TAF4B: variants seen among roughly 807,000 people sequenced by gnomAD.
TAF4B encodes the protein transcription initiation factor TFIID subunit 4B.
TAF4B carries 38 observed loss-of-function variants against 86.4 expected under a neutral mutation model. That is an observed-to-expected ratio of 0.44 (90% CI 0.34 to 0.58). TAF4B has a LOEUF of 0.58. Ranked by LOEUF, TAF4B falls within the 20% of genes least tolerant of loss-of-function variation. The pLI is 0.02. For missense variants in TAF4B, 988 were observed against 1,027.6 expected (o/e 0.96, Z 0.53); for synonymous variants, 388 against 391.2 (o/e 0.99, Z 0.10).
At chr18:26,227,972 C>T (rs2055604297) in intron 1 of TAF4B, among the ~76,000 whole-genome samples, 1 of 152,222 alleles carries the variant, frequency 6.6e-6, no homozygotes, top group Non-Finnish European at 1.5e-5. Context: ...AGCAGAACCC[C>T]TGACTGGGAA....
At chr18:26,325,144 G>A (rs542752408) in intron 11 of TAF4B, among the ~76,000 whole-genome samples, 1 of 152,316 alleles carries the variant, frequency 6.6e-6, no homozygotes, top group Admixed American at 6.5e-5. Flanking sequence ...GTGACATGTA[G>A]TACAGAGCTT....
chr18:26,229,964 A>T (rs12456224), intron 1 of TAF4B, among the ~76,000 whole-genome samples: 55,214 of 149,346 alleles, frequency 0.37, 10,887 homozygotes, highest in Non-Finnish European at 0.46. Context: ...TTAAAAAAAA[A>T]ATATATATAT....
chr18:26,341,279 G>GA (rs1188684368), intron 13 of TAF4B, among the ~76,000 whole-genome samples: 5 of 151,982 alleles, frequency 3.3e-5, no homozygotes, highest in African/African-American at 1.2e-4. Flanking sequence ...AGGCATAAAA[G>GA]AAAAAACCAG....
chr18:26,279,849 A>G (rs1372661479), intron 5 of TAF4B, among the ~76,000 whole-genome samples: 1 of 152,058 alleles, frequency 6.6e-6, no homozygotes, highest in Non-Finnish European at 1.5e-5. Context: ...TCAGACCAGT[A>G]TGGTCAACAT....
intron 1 of TAF4B, among the ~76,000 whole-genome samples, chr18:26,234,085 C>T (rs1021079932): frequency 6.6e-6 from 1 of 152,114 alleles, no homozygotes; most frequent in South Asian, 2.1e-4. Context: ...CTGTTGTTAA[C>T]CACCCCGAGG....
intron 9 of TAF4B, among the ~76,000 whole-genome samples, chr18:26,298,854 T>A (rs1312459720): frequency 3.0e-4 from 3 of 9,992 alleles, no homozygotes; most frequent in African/African-American, 1.0e-3. Flanking sequence ...CTATTGCCTT[T>A]TTTTTTTTTT....
At position 26,309,245 on chromosome 18, in the gene TAF4B, A is replaced by T. The variant is rs1046422065; in HGVS notation, c.1833-5984A>T. The stretch of plus-strand genomic sequence containing the variant: ...CACTTTAGGGAAAAAACCTGACAGT[A>T]TTTTTTTTTTTTTTTTTTTTTTTTT... On this transcript the variant is annotated intron_variant, in intron 9 of 14. Transcript: ENST00000269142. Among the ~76,000 whole-genome samples, 46 of 84,588 alleles carry T rather than the reference A, an allele frequency of 5.4e-4. 1 individual carries two copies. Among genetic ancestry groups the T allele is most frequent in the African/African-American group, 6.2e-4 (16 of 26,000 alleles). The allele number at this position is 84,588 out of a possible 152,430, so 55.5% of individuals were successfully genotyped here.
chr18:26,240,565 A>T (rs2055821629), intron 1 of TAF4B, among the ~76,000 whole-genome samples: 1 of 152,200 alleles, frequency 6.6e-6, no homozygotes, highest in Non-Finnish European at 1.5e-5. Flanking sequence ...TCCTAATTGA[A>T]TACCCTTTCT....
intron 12 of TAF4B, among the ~76,000 whole-genome samples, chr18:26,327,763 T>C (rs1292511088): frequency 6.6e-6 from 1 of 152,206 alleles, no homozygotes; most frequent in African/African-American, 2.4e-5. Flanking sequence ...TGGTTTGTTT[T>C]TTAGTAGAGA....
chr18:26,315,414 T>C lies in TAF4B; in HGVS notation c.2002+16T>C, dbSNP rs373021424. On this transcript the variant is annotated intron_variant, in intron 10 of 14. Transcript: ENST00000269142. ...TTAGACATTGGTAAGTGTAGAGTTA[T>C]GATTATTGACCTGATAGAGATGTCT... 25 of 1,594,326 alleles carry C rather than the reference T, an allele frequency of 1.6e-5. No homozygotes were observed. The highest frequency in any genetic ancestry group is 9.0e-5 in the East Asian group (4 of 44,660).
At chr18:26,307,435 G>A (rs1005043151) in intron 9 of TAF4B, among the ~76,000 whole-genome samples, 3 of 152,008 alleles carry the variant, frequency 2.0e-5, no homozygotes, top group African/African-American at 4.8e-5. Context: ...GTGGCAAACA[G>A]GATAGTACCT....
intron 1 of TAF4B, among the ~76,000 whole-genome samples, chr18:26,248,852 T>C (rs1167953436): frequency 7.1e-6 from 1 of 141,292 alleles, no homozygotes; most frequent in East Asian, 2.2e-4. Context: ...ATGTCATCTT[T>C]ATTGAGGTAA....
intron 9 of TAF4B, among the ~76,000 whole-genome samples, chr18:26,312,791 G>T (rs189157779): frequency 3.9e-5 from 6 of 152,038 alleles, no homozygotes; most frequent in Non-Finnish European, 7.4e-5. Flanking sequence ...GGAGTTACCC[G>T]CACGTTAAAA....
intron 14 of TAF4B, among the ~76,000 whole-genome samples, chr18:26,365,870 A>G (rs951736175): frequency 6.6e-6 from 1 of 151,788 alleles, no homozygotes; most frequent in Non-Finnish European, 1.5e-5. Context: ...GCTCACTGCA[A>G]CCTCCACCTC....
chr18:26,332,041 A>G (rs1004368954), intron 12 of TAF4B, among the ~76,000 whole-genome samples: 2 of 152,186 alleles, frequency 1.3e-5, no homozygotes, highest in African/African-American at 4.8e-5. Flanking sequence ...GAATGTGCCC[A>G]ACTTAGGATA....
intron 14 of TAF4B, among the ~76,000 whole-genome samples, chr18:26,377,363 G>A (rs2057449545): frequency 6.6e-6 from 1 of 152,088 alleles, no homozygotes; most frequent in South Asian, 2.1e-4. Flanking sequence ...AGGATCATGT[G>A]CCAGTTTAAT....
intron 13 of TAF4B, among the ~76,000 whole-genome samples, chr18:26,354,863 A>C (rs2144730006): frequency 6.6e-6 from 1 of 152,328 alleles, no homozygotes; most frequent in South Asian, 2.1e-4. Context: ...CCTTCTTAAA[A>C]TAATGGTTGT....
chr18:26,263,635 G>A (rs1210169873), intron 1 of TAF4B, among the ~76,000 whole-genome samples: 3 of 152,168 alleles, frequency 2.0e-5, no homozygotes, highest in Non-Finnish European at 4.4e-5. Context: ...TAATGTAGTT[G>A]AGTTTATTGA....
intron 12 of TAF4B, among the ~76,000 whole-genome samples, chr18:26,332,416 A>G (rs62085406): frequency 0.084 from 12,749 of 152,058 alleles, 611 homozygotes; most frequent in Middle Eastern, 0.13. Flanking sequence ...TTGGATCCCT[A>G]CAGTGCACCC....
Sources: allele counts gnomAD v4.1 joint callset (sites outside exome capture counted in the v4.1 genomes callset), GRCh38; gene constraint gnomAD v4.1.1; transcripts MANE v1.5; gene names NCBI Gene and HGNC (gene_info 2026-07-23, HGNC 2026-07-21).